PPP1R9A: variants seen among roughly 807,000 people sequenced by gnomAD.
PPP1R9A encodes protein phosphatase 1 regulatory subunit 9A, also known as neurabin-1.
PPP1R9A carries 59 observed loss-of-function variants against 141.9 expected under a neutral mutation model. The observed-to-expected ratio is 0.42, with a 90% CI of 0.34 to 0.52. The LOEUF is 0.52. Ranked by LOEUF, PPP1R9A falls within the 20% of genes least tolerant of loss-of-function variation. PPP1R9A has a pLI of 0.10. For synonymous variants in PPP1R9A, 500 were observed against 569.7 expected (o/e 0.88, Z 1.74); for missense variants, 1,444 against 1,611.9 (o/e 0.90, Z 1.78).
intron 4 of PPP1R9A, among the ~76,000 whole-genome samples, chr7:95,124,104 A>G (rs1823122176): frequency 6.6e-6 from 1 of 152,164 alleles, no homozygotes; most frequent in South Asian, 2.1e-4. Flanking sequence ...TAAAATTATT[A>G]TTACACTTAC....
chr7:95,050,072 A>G (rs1810578251), intron 2 of PPP1R9A, among the ~76,000 whole-genome samples: 1 of 152,202 alleles, frequency 6.6e-6, no homozygotes. Flanking sequence ...TTTGTACAAA[A>G]TTGCCAAACT....
intron 16 of PPP1R9A, among the ~76,000 whole-genome samples, chr7:95,282,144 A>G (rs1054436632): frequency 3.8e-4 from 46 of 122,414 alleles, no homozygotes; most frequent in Middle Eastern, 3.8e-3. Flanking sequence ...GGAGGTCAAT[A>G]GCATAATAAA....
At chr7:95,260,276 A>G (rs1432643925) in intron 12 of PPP1R9A, among the ~76,000 whole-genome samples, 1 of 152,212 alleles carries the variant, frequency 6.6e-6, no homozygotes, top group Middle Eastern at 3.2e-3. Context: ...TAAAGGAGGT[A>G]TTCAGTTGCA....
intron 2 of PPP1R9A, among the ~76,000 whole-genome samples, chr7:94,999,052 A>C (rs888999788): frequency 5.3e-5 from 8 of 152,094 alleles, no homozygotes; most frequent in Non-Finnish European, 1.2e-4. Context: ...ACTGCCATCC[A>C]TCTTGTTTTA....
intron 2 of PPP1R9A, among the ~76,000 whole-genome samples, chr7:95,000,978 A>G (rs1470533976): frequency 6.6e-6 from 1 of 152,148 alleles, no homozygotes; most frequent in African/African-American, 2.4e-5. Flanking sequence ...TGTAATTGTA[A>G]TTATCTTGTG....
chr7:94,956,239 A>G (rs1797058305), intron 2 of PPP1R9A, among the ~76,000 whole-genome samples: 1 of 152,144 alleles, frequency 6.6e-6, no homozygotes, highest in South Asian at 2.1e-4. Context: ...CTTTCAAGAG[A>G]AAATTAGCTG....
At chr7:95,176,300 A>AG (rs1049130027) in intron 5 of PPP1R9A, among the ~76,000 whole-genome samples, 5 of 152,104 alleles carry the variant, frequency 3.3e-5, no homozygotes, top group African/African-American at 9.7e-5. Context: ...CCACAGGAAA[A>AG]GGGGGAGAGT....
chr7:95,079,785 A>G (rs1051328163), intron 2 of PPP1R9A, among the ~76,000 whole-genome samples: 27 of 152,226 alleles, frequency 1.8e-4, no homozygotes, highest in African/African-American at 5.3e-4. Context: ...CTGGTTCAAT[A>G]TATGCAAATC....
intron 2 of PPP1R9A, among the ~76,000 whole-genome samples, chr7:94,962,661 A>T (rs892792927): frequency 1.3e-5 from 2 of 152,006 alleles, no homozygotes; most frequent in South Asian, 4.1e-4. Context: ...TAGCAAAATC[A>T]CACATTAAAA....
intron 2 of PPP1R9A, among the ~76,000 whole-genome samples, chr7:94,974,620 AAC>A (rs1416873931): frequency 6.6e-6 from 1 of 152,178 alleles, no homozygotes; most frequent in Non-Finnish European, 1.5e-5. Flanking sequence ...ACGTCAGGTC[AAC>A]ACAGTTTCAT....
intron 7 of PPP1R9A, among the ~76,000 whole-genome samples, chr7:95,219,848 T>A (rs1159203765): frequency 6.6e-6 from 1 of 152,100 alleles, no homozygotes; most frequent in Non-Finnish European, 1.5e-5. Context: ...CATTAGGATT[T>A]TTCTCTCTTC....
Position 95,269,526 on chromosome 7 carries a change from T to A in PPP1R9A, c.3124+19T>A, listed in dbSNP as rs1563533582. ...GAAAAAGGTATTGTTAATTTCTTTT[T>A]CTGACTTCATAACACCTCAGCTTGT... On this transcript the variant is annotated intron_variant, in intron 14 of 19. Coordinates refer to ENST00000433360, the MANE Select transcript of PPP1R9A (RefSeq NM_001166160.2). The A allele has an allele frequency of 6.5e-7, 1 of 1,530,836 alleles. No individual in the cohort carries two copies. Among genetic ancestry groups the A allele is most frequent in the Non-Finnish European group, 8.9e-7 (1 of 1,122,140 alleles). The allele number at this position is 1,530,836 out of a possible 1,614,324, so 94.8% of individuals were successfully genotyped here.
At chr7:95,287,821 G>A (rs1805629768) in intron 18 of PPP1R9A, among the ~76,000 whole-genome samples, 1 of 152,126 alleles carries the variant, frequency 6.6e-6, no homozygotes, top group Admixed American at 6.5e-5. Flanking sequence ...GAATAACTGG[G>A]ATTACAGGCA....
chr7:95,260,572 G>A (rs964397275), intron 12 of PPP1R9A, among the ~76,000 whole-genome samples: 5 of 151,794 alleles, frequency 3.3e-5, no homozygotes, highest in Non-Finnish European at 5.9e-5. Flanking sequence ...CCAGCTACTC[G>A]GGAGGCTGAG....
At chr7:95,221,984 G>A (rs117265293) in intron 7 of PPP1R9A, among the ~76,000 whole-genome samples, 1,820 of 152,090 alleles carry the variant, frequency 0.012, 20 homozygotes, top group Middle Eastern at 0.027. Context: ...GTGTGTGTTC[G>A]TTTGTTTGTC....
chr7:94,992,609 C>G (rs1801655795), intron 2 of PPP1R9A, among the ~76,000 whole-genome samples: 3 of 152,164 alleles, frequency 2.0e-5, no homozygotes, highest in Admixed American at 2.0e-4. Flanking sequence ...CATTCAATTT[C>G]CTTTACATCC....
intron 7 of PPP1R9A, among the ~76,000 whole-genome samples, chr7:95,218,496 G>A (rs1449117234): frequency 6.6e-6 from 1 of 152,194 alleles, no homozygotes; most frequent in Non-Finnish European, 1.5e-5. Context: ...TCTTGGTGCA[G>A]AGCTGAGTTC....
intron 5 of PPP1R9A, among the ~76,000 whole-genome samples, chr7:95,186,593 C>T (rs1834692383): frequency 6.6e-6 from 1 of 152,050 alleles, no homozygotes; most frequent in African/African-American, 2.4e-5. Flanking sequence ...TTTTCTTGTT[C>T]TAGTTCTCAG....
At chr7:94,915,652 CT>C (rs1791981524) in intron 2 of PPP1R9A, among the ~76,000 whole-genome samples, 1 of 152,180 alleles carries the variant, frequency 6.6e-6, no homozygotes, top group Non-Finnish European at 1.5e-5. Context: ...AGTTAACACA[CT>C]TCAGGTTCAA....
Sources: allele counts gnomAD v4.1 joint callset (sites outside exome capture counted in the v4.1 genomes callset), GRCh38; gene constraint gnomAD v4.1.1; transcripts MANE v1.5; gene names NCBI Gene and HGNC (gene_info 2026-07-23, HGNC 2026-07-21).